Variants in GRID2 observed in about 807,000 individuals in gnomAD.
The protein encoded by GRID2 is glutamate receptor ionotropic, delta-2.
A neutral mutation model predicts 114.8 loss-of-function variants in GRID2; 33 were observed. The observed-to-expected ratio is 0.29, with a 90% confidence interval of 0.22 to 0.38. GRID2 has a LOEUF of 0.38. Among genes scored for constraint, GRID2 ranks in the 10% least tolerant of loss-of-function variants. GRID2 has a pLI of 1.00. For synonymous variants in GRID2, 505 were observed against 449.9 expected, an observed-to-expected ratio of 1.12 and a Z score of -1.55; for missense variants, 1,184 against 1,257.7, an observed-to-expected ratio of 0.94 and a Z score of 0.89.
intron 2 of GRID2, among the ~76,000 whole-genome samples, chr4:92,611,760 A>G (rs886602097): frequency 6.6e-6 from 1 of 151,734 alleles, no homozygotes; most frequent in East Asian, 2.0e-4. Flanking sequence ...GATTAGTGAC[A>G]TTGAGTATCT....
chr4:93,521,676 G>C (rs1730352401), intron 13 of GRID2, among the ~76,000 whole-genome samples: 1 of 152,020 alleles, frequency 6.6e-6, no homozygotes, highest in Admixed American at 6.6e-5. Flanking sequence ...GAGATTATGA[G>C]ACTAGAAAGA....
intron 14 of GRID2, among the ~76,000 whole-genome samples, chr4:93,693,889 A>T (rs1482262041): frequency 1.3e-5 from 2 of 152,164 alleles, no homozygotes; most frequent in Non-Finnish European, 2.9e-5. Context: ...AACTACTATA[A>T]ATCAGACTTT....
At chr4:93,500,366 T>C (rs1452246066) in intron 12 of GRID2, among the ~76,000 whole-genome samples, 4 of 151,990 alleles carry the variant, frequency 2.6e-5, no homozygotes, top group Non-Finnish European at 4.4e-5. Context: ...TTGCTTCCAT[T>C]CTTCTACATT....
At chr4:93,803,827 T>G (rs1033414672) in intron 1 of GRID2, among the ~76,000 whole-genome samples, 6 of 152,230 alleles carry the variant, frequency 3.9e-5, no homozygotes, top group Non-Finnish European at 7.3e-5. Flanking sequence ...TGATTAGCAT[T>G]TATGCCACTG....
chr4:93,389,924 G>T (rs1391707274), intron 8 of GRID2, among the ~76,000 whole-genome samples: 4 of 152,074 alleles, frequency 2.6e-5, no homozygotes, highest in Admixed American at 2.0e-4. Context: ...AAGTAGCTGG[G>T]ATTACAGGCA....
At chr4:93,318,838 G>A (rs1285023335) in intron 8 of GRID2, 2 of 152,150 alleles carry the variant, frequency 1.3e-5, no homozygotes, top group Non-Finnish European at 2.9e-5. Context: ...CACAGCATGA[G>A]ATGAGATATC....
chr4:92,941,670 A>G (rs1402645579), intron 2 of GRID2, among the ~76,000 whole-genome samples: 1 of 152,068 alleles, frequency 6.6e-6, no homozygotes, highest in African/African-American at 2.4e-5. Flanking sequence ...TGGGGTGTCA[A>G]TTTTAGATCT....
intron 2 of GRID2, among the ~76,000 whole-genome samples, chr4:92,704,627 C>A (rs956485412): frequency 6.6e-6 from 1 of 152,048 alleles, no homozygotes; most frequent in Non-Finnish European, 1.5e-5. Context: ...GGAGACCTTT[C>A]TTTACGTGTA....
chr4:92,456,487 AATT>A (rs1721223277), intron 1 of GRID2, among the ~76,000 whole-genome samples: 1 of 152,260 alleles, frequency 6.6e-6, no homozygotes, highest in Admixed American at 6.5e-5. Context: ...TTTTCTACTA[AATT>A]CAAACCTACA....
At chr4:92,330,153 C>A (rs1560570775) in intron 1 of GRID2, among the ~76,000 whole-genome samples, 1 of 152,078 alleles carries the variant, frequency 6.6e-6, no homozygotes, top group Non-Finnish European at 1.5e-5. Context: ...TTGTGGGCCA[C>A]ATTGCACTAT....
At chr4:93,273,976 T>TTTATAATGCAGAAACTGCAGATA (rs1666902957) in intron 8 of GRID2, among the ~76,000 whole-genome samples, 1 of 152,198 alleles carries the variant, frequency 6.6e-6, no homozygotes, top group African/African-American at 2.4e-5. Flanking sequence ...TATTTCACTT[T>TTTATAATGCAGAAACTGCAGATA]TTATAATGCA....
At chr4:93,710,602 A>G (rs1381464067) in intron 14 of GRID2, among the ~76,000 whole-genome samples, 1 of 152,144 alleles carries the variant, frequency 6.6e-6, no homozygotes, top group Non-Finnish European at 1.5e-5. Flanking sequence ...TGTTTATTCA[A>G]GGCCCAAGGG....
intron 1 of GRID2, among the ~76,000 whole-genome samples, chr4:92,393,205 A>G (rs1280514526): frequency 1.3e-5 from 2 of 152,128 alleles, no homozygotes; most frequent in African/African-American, 4.8e-5. Flanking sequence ...TCCATGAGGG[A>G]TCCACTCCTA....
chr4:92,630,864 C>A (rs900800987), intron 2 of GRID2, among the ~76,000 whole-genome samples: 8 of 151,994 alleles, frequency 5.3e-5, no homozygotes, highest in African/African-American at 1.9e-4. Context: ...CAATTGTAGA[C>A]AACATCCATG....
chr4:92,886,917 G>A (rs1373066851), intron 2 of GRID2, among the ~76,000 whole-genome samples: 1 of 152,096 alleles, frequency 6.6e-6, no homozygotes, highest in East Asian at 1.9e-4. Flanking sequence ...GAGCCACCAC[G>A]ACTGGCCCTT....
intron 2 of GRID2, among the ~76,000 whole-genome samples, chr4:92,690,123 C>T (rs765830617): frequency 3.5e-4 from 53 of 151,888 alleles, no homozygotes; most frequent in Admixed American, 5.9e-4. Context: ...GCACCTGAGG[C>T]CTAGTTTTGG....
chr4:93,066,062 T>G (rs1214448871), intron 2 of GRID2, among the ~76,000 whole-genome samples: 3 of 151,828 alleles, frequency 2.0e-5, no homozygotes, highest in Admixed American at 6.6e-5. Flanking sequence ...GTTAAGTAAC[T>G]TCCCTGAAGT....
chr4:92,331,756 T>G (rs1034626825), intron 1 of GRID2, among the ~76,000 whole-genome samples: 1 of 152,182 alleles, frequency 6.6e-6, no homozygotes, highest in African/African-American at 2.4e-5. Context: ...ATTTATACAG[T>G]AGAGTTAATT....
intron 1 of GRID2, among the ~76,000 whole-genome samples, chr4:92,580,591 T>C (rs1413978543): frequency 6.7e-6 from 1 of 149,526 alleles, no homozygotes; most frequent in Non-Finnish European, 1.5e-5. Context: ...TTAGAATTTT[T>C]ACTCTGTAGA....
Sources: gnomAD v4.1 joint callset for allele counts (sites outside exome capture counted in the v4.1 genomes callset) on GRCh38, gnomAD v4.1.1 for gene constraint, MANE v1.5 for transcripts, NCBI Gene and HGNC (gene_info 2026-07-23, HGNC 2026-07-21) for gene names.